CLCN3: variants seen among roughly 807,000 people sequenced by gnomAD.
The protein encoded by CLCN3 is Cl-/H+ antiporter 3.
In CLCN3, 16 loss-of-function variants were observed where a neutral mutation model predicts 83.4. That is an observed-to-expected ratio of 0.19 (90% CI 0.13 to 0.29). CLCN3 has a LOEUF of 0.29. CLCN3 is among the 10% of genes least tolerant of loss of function. The pLI, the probability that CLCN3 is intolerant of heterozygous loss-of-function variation, is 1.00. For synonymous variants in CLCN3, 322 were observed against 346.2 expected (o/e 0.93, Z 0.78); for missense variants, 544 against 1,006.0 (o/e 0.54, Z 6.21).
rs531306773 is a variant in CLCN3, at chr4:169,620,784, G to A, written c.-296G>A. ...TGGAGATTTTTATTTTTAATTTTGGGCAGAAGCAGGTTGACTCTAGGGATC... is the reference window on the plus strand; with the variant it reads ...TGGAGATTTTTATTTTTAATTTTGGACAGAAGCAGGTTGACTCTAGGGATC... On this transcript the variant is annotated 5_prime_UTR_variant, in exon 1 of 13. Transcript: ENST00000513761. The A allele has an allele frequency of 6.3e-5, 25 of 398,608 alleles. No homozygotes were observed. The South Asian group carries it at 3.1e-3, about 49-fold the overall frequency. The allele number at this position is 398,608 out of a possible 1,614,324, so 24.7% of individuals were successfully genotyped here.
At position 169,646,465 on chromosome 4, in the gene CLCN3, CT is replaced by C. The variant is rs541385099; in HGVS notation, c.160+10387del. ...CACCATGCCCAGCTAAGTTTTTATACTTTTTTTTTTCAGTAGAGATGGGTTT... is the reference window on the plus strand; with the variant it reads ...CACCATGCCCAGCTAAGTTTTTATACTTTTTTTTTCAGTAGAGATGGGTTT... On this transcript the variant is annotated intron_variant, in intron 2 of 12. Coordinates refer to ENST00000513761, the MANE Select transcript of CLCN3 (RefSeq NM_001829.4). Among the ~76,000 whole-genome samples, 928 of 149,446 alleles carry C rather than the reference CT, an allele frequency of 6.2e-3. 7 individuals carry two copies. Among genetic ancestry groups the C allele is most frequent in the Middle Eastern group, 0.021 (6 of 286 alleles).
intron 2 of CLCN3, among the ~76,000 whole-genome samples, chr4:169,641,375 A>G (rs1328086773): frequency 1.3e-5 from 2 of 152,218 alleles, no homozygotes; most frequent in Non-Finnish European, 2.9e-5. Context: ...GAGAAATTAC[A>G]TAGATTATTA....
At chr4:169,645,055 TG>T (rs147233859) in intron 2 of CLCN3, among the ~76,000 whole-genome samples, 1,555 of 152,354 alleles carry the variant, frequency 0.01, 30 homozygotes, top group African/African-American at 0.036. Flanking sequence ...AAATTTGTGT[TG>T]TTTTAAGCTA....
chr4:169,672,447 T>C (rs1347873533), intron 2 of CLCN3, among the ~76,000 whole-genome samples: 1 of 151,320 alleles, frequency 6.6e-6, no homozygotes, highest in Non-Finnish European at 1.5e-5. Flanking sequence ...GCCTTTGATA[T>C]ATTATTATAG....
chr4:169,696,251 A>G (rs943345433), intron 8 of CLCN3, among the ~76,000 whole-genome samples: 5 of 152,022 alleles, frequency 3.3e-5, no homozygotes, highest in Admixed American at 6.5e-5. Flanking sequence ...ATCAATTCCT[A>G]TGTTGTGTTT....
At chr4:169,677,183 A>G (rs1227474061) in intron 2 of CLCN3, among the ~76,000 whole-genome samples, 1 of 151,956 alleles carries the variant, frequency 6.6e-6, no homozygotes, top group Non-Finnish European at 1.5e-5. Flanking sequence ...AGTTAGGGGC[A>G]GTTTTTTTTA....
At chr4:169,702,783 A>C (rs1732841473) in intron 9 of CLCN3, 1 of 109,742 alleles carries the variant, frequency 9.1e-6, no homozygotes, top group African/African-American at 3.2e-5. Flanking sequence ...TCTACAAAAA[A>C]AAAAAAAAAA....
chr4:169,681,525 G>A (rs1223911931), intron 3 of CLCN3, among the ~76,000 whole-genome samples: 1 of 152,094 alleles, frequency 6.6e-6, no homozygotes, highest in Non-Finnish European at 1.5e-5. Flanking sequence ...TACCTTTAGG[G>A]CATATCTAAA....
At chr4:169,684,438 G>A (rs1732074377) in intron 3 of CLCN3, among the ~76,000 whole-genome samples, 1 of 152,066 alleles carries the variant, frequency 6.6e-6, no homozygotes, top group African/African-American at 2.4e-5. Flanking sequence ...TATATTTGTG[G>A]TTTAATCATC....
At chr4:169,686,057 G>A (rs1340244689) in intron 3 of CLCN3, among the ~76,000 whole-genome samples, 2 of 152,004 alleles carry the variant, frequency 1.3e-5, no homozygotes, top group Non-Finnish European at 2.9e-5. Flanking sequence ...ATCATTCTCA[G>A]CAAACTGTCG....
Position 169,674,774 on chromosome 4 carries a change from C to T in CLCN3, c.161-5276C>T, listed in dbSNP as rs116992627. The stretch of plus-strand genomic sequence containing the variant: ...CAAGGTACACTTTTTTTTTTGGAGA[C>T]GAGTTTTGCTCTGTCGCCCAGGCTG... On this transcript the variant is annotated intron_variant, in intron 2 of 12. Transcript: ENST00000513761. 9.9e-5 allele frequency among the ~76,000 whole-genome samples: 15 copies of T among 151,496 alleles called. No individual in the cohort carries two copies. The East Asian group carries it at 2.7e-3, about 27-fold the overall frequency.
At chr4:169,688,937 C>A (rs1732261643) in intron 4 of CLCN3, 106 bp from the exon 5 acceptor site, 10 of 810,744 alleles carry the variant, frequency 1.2e-5, no homozygotes, top group Middle Eastern at 2.3e-4. Flanking sequence ...CATAAATGAC[C>A]CTTTATTTAG....
chr4:169,622,257 A>G (rs372330897), intron 1 of CLCN3, among the ~76,000 whole-genome samples: 1 of 152,220 alleles, frequency 6.6e-6, no homozygotes, highest in East Asian at 1.9e-4. Flanking sequence ...AAGAATGTAA[A>G]TATTTAAACT....
At position 169,621,601 on chromosome 4, in the gene CLCN3, T is replaced by A. The variant is rs1033620528; in HGVS notation, c.-17+538T>A. On this transcript the variant is annotated intron_variant, in intron 1 of 12. Coordinates refer to ENST00000513761, the MANE Select transcript of CLCN3 (RefSeq NM_001829.4). ...TTAGAAACTGAGATTTCTGTTTCCT[T>A]TAGAAAGAAATTCCTGTTCATGGAA... Among the ~76,000 whole-genome samples, 12 of 152,292 alleles carry A rather than the reference T, an allele frequency of 7.9e-5. No individual in the cohort carries two copies. In the South Asian group the frequency reaches 1.5e-3, roughly 18 times the overall value.
chr4:169,690,141 T>C (rs183454366), intron 5 of CLCN3, among the ~76,000 whole-genome samples: 77 of 143,442 alleles, frequency 5.4e-4, no homozygotes, highest in African/African-American at 1.9e-3. Context: ...TTCTTTCTTT[T>C]TTTTTTTTTT....
At chr4:169,668,043 A>ATTTTTTTTTTTTTTTTTTTTTT (rs60739106) in intron 2 of CLCN3, among the ~76,000 whole-genome samples, 3 of 82,332 alleles carry the variant, frequency 3.6e-5, no homozygotes, top group Admixed American at 1.3e-4. Flanking sequence ...CCGGCCAGAC[A>ATTTTTTTTTTTTTTTTTTTTTT]TTTTTTTTTT....
intron 7 of CLCN3, among the ~76,000 whole-genome samples, 189 bp from the exon 8 acceptor site, chr4:169,695,423 A>C (rs372900388): frequency 9.1e-4 from 138 of 152,336 alleles, no homozygotes; most frequent in African/African-American, 3.1e-3. Context: ...CTGACCTTTC[A>C]ATTAAAGCCA....
chr4:169,699,328 G>T (rs2150258101), intron 9 of CLCN3, among the ~76,000 whole-genome samples: 1 of 152,140 alleles, frequency 6.6e-6, no homozygotes, highest in South Asian at 2.1e-4. Flanking sequence ...GTTGATTAAT[G>T]GTCTATCAGT....
At position 169,644,605 on chromosome 4, in the gene CLCN3, C is replaced by T. The variant is rs144580384; in HGVS notation, c.160+8517C>T. Reference sequence around the variant, plus strand: ...TGATTTATGCTAGATATCAAGCTGTCTTCCTCACTATTGCTTTTGTACTAT... The same window carrying T: ...TGATTTATGCTAGATATCAAGCTGTTTTCCTCACTATTGCTTTTGTACTAT... On this transcript the variant is annotated intron_variant, in intron 2 of 12. Coordinates refer to ENST00000513761, the MANE Select transcript of CLCN3 (RefSeq NM_001829.4). Among the ~76,000 whole-genome samples the T allele has an allele frequency of 4.6e-3, 701 of 152,276 alleles. 8 individuals carry two copies. Among genetic ancestry groups the T allele is most frequent in the African/African-American group, 0.016 (647 of 41,552 alleles).
Sources: allele counts gnomAD v4.1 joint callset (sites outside exome capture counted in the v4.1 genomes callset), GRCh38; gene constraint gnomAD v4.1.1; transcripts MANE v1.5; gene names NCBI Gene and HGNC (gene_info 2026-07-23, HGNC 2026-07-21).